OLFML2A: variants seen among roughly 807,000 people sequenced by gnomAD.
OLFML2A encodes the protein olfactomedin like 2A.
In OLFML2A, 47 loss-of-function variants were observed where a neutral mutation model predicts 60.9. The ratio of observed to expected loss-of-function variants is 0.77; its 90% CI spans 0.61 to 0.98. The LOEUF (loss-of-function observed/expected upper bound fraction) is 0.98. OLFML2A is among the 50% of genes least tolerant of loss of function. The pLI is 0.00. For missense variants in OLFML2A, 922 were observed against 879.8 expected (o/e 1.05, Z -0.61); for synonymous variants, 372 against 375.0 (o/e 0.99, Z 0.09).
intron 1 of OLFML2A, chr9:124,778,932 A>G (rs1302266391): frequency 1.0e-6 from 1 of 984,888 alleles, no homozygotes; most frequent in Non-Finnish European, 1.2e-6. Flanking sequence ...TCCTGGTAGA[A>G]TGTGAGTGTC....
At chr9:124,796,435 C>A (rs918356290) in intron 3 of OLFML2A, among the ~76,000 whole-genome samples, 3 of 152,182 alleles carry the variant, frequency 2.0e-5, no homozygotes, top group Non-Finnish European at 4.4e-5. Flanking sequence ...GCCAGATGAT[C>A]CGGAGGGTAT....
chr9:124,784,943 G>GTTGTTGTTTTTTTTTTTTTTTT (rs1841429446), intron 1 of OLFML2A, among the ~76,000 whole-genome samples: 1 of 69,542 alleles, frequency 1.4e-5, no homozygotes, highest in African/African-American at 6.5e-5. Context: ...CCTTTTACTT[G>GTTGTTGTTTTTTTTTTTTTTTT]TTTTTTTTTT....
Position 124,807,222 on chromosome 9 carries a change from C to A in OLFML2A, c.1169-559C>A, listed in dbSNP as rs144648919. ...TACAGGTGTGAGTCACTGTGCCTGGCCGAGTTTGACTATTTTAGATTCCAC... is the reference window on the plus strand; with the variant it reads ...TACAGGTGTGAGTCACTGTGCCTGGACGAGTTTGACTATTTTAGATTCCAC... On this transcript the variant is annotated intron_variant, in intron 6 of 7. Coordinates refer to ENST00000373580, the MANE Select transcript of OLFML2A (RefSeq NM_182487.4). Among the ~76,000 whole-genome samples the A allele has an allele frequency of 1.4e-3, 216 of 151,798 alleles. 6 individuals carry two copies. The East Asian group carries it at 0.036, about 25-fold the overall frequency.
At position 124,787,317 on chromosome 9, in the gene OLFML2A, A is replaced by G. The variant is rs1452920668; in HGVS notation, c.354+79A>G. ...GCTGTCCTGCCAGTGAAAATTCCAC[A>G]CACTCTGTGAGGCGAGTGGTGTTAC... On this transcript the variant is annotated intron_variant, in intron 2 of 7. Coordinates refer to ENST00000373580, the MANE Select transcript of OLFML2A (RefSeq NM_182487.4). 2.1e-6 allele frequency: 3 copies of G among 1,401,358 alleles called. No homozygotes were observed. The African/African-American group carries it at 4.2e-5, about 20-fold the overall frequency. 86.8% of individuals were successfully genotyped at this position (1,401,358 alleles called of 1,614,324 possible).
rs1460073108 is a variant in OLFML2A at position 124,783,821 on chromosome 9, A to T, written c.91-3154A>T. Among the ~76,000 whole-genome samples the T allele has an allele frequency of 3.9e-5, 6 of 152,308 alleles. No individual in the cohort carries two copies. The South Asian group carries it at 1.2e-3, about 32-fold the overall frequency. ...TAATGGTACCTATGGTGTGGGGGAG[A>T]CAGAATATACACAAACTCAGATCTC... On this transcript the variant is annotated intron_variant, in intron 1 of 7. Transcript: ENST00000373580.
At chr9:124,805,938 C>T (rs1468955659) in intron 6 of OLFML2A, among the ~76,000 whole-genome samples, 2 of 150,856 alleles carry the variant, frequency 1.3e-5, no homozygotes, top group African/African-American at 4.9e-5. Context: ...GCCTCAGCCT[C>T]CCAAGCAGAT....
intron 3 of OLFML2A, among the ~76,000 whole-genome samples, chr9:124,797,099 C>T (rs1445447663): frequency 6.6e-6 from 1 of 152,154 alleles, no homozygotes; most frequent in African/African-American, 2.4e-5. Context: ...CCCACCACAG[C>T]CTCCCAAGTA....
intron 1 of OLFML2A, among the ~76,000 whole-genome samples, chr9:124,782,992 G>A (rs1315467438): frequency 6.6e-6 from 1 of 152,064 alleles, no homozygotes; most frequent in Non-Finnish European, 1.5e-5. Flanking sequence ...AGGACAGGCA[G>A]AGTTAGGGCG....
intron 5 of OLFML2A, among the ~76,000 whole-genome samples, chr9:124,803,399 ACTACAGG>A (rs1159396482): frequency 2.0e-5 from 3 of 151,994 alleles, no homozygotes; most frequent in African/African-American, 7.3e-5. Flanking sequence ...AATAGCTGGG[ACTACAGG>A]GGCCCATCAC....
chr9:124,809,754 G>T, intron 7 of OLFML2A, 54 bp from the exon 8 acceptor site: 2 of 1,545,264 alleles, frequency 1.3e-6, no homozygotes, highest in Non-Finnish European at 1.7e-6. Flanking sequence ...CAGGGGATGT[G>T]GGTGGGCTGG....
intron 1 of OLFML2A, among the ~76,000 whole-genome samples, chr9:124,785,582 A>G (rs548162315): frequency 8.0e-5 from 12 of 150,832 alleles, no homozygotes; most frequent in Non-Finnish European, 1.6e-4. Flanking sequence ...TATTTTGTTT[A>G]GTAGAGACGG....
rs556541402 is a variant in OLFML2A, at chr9:124,814,132, G to C, written c.*3720G>C. ...CGGTGGGGTAGAGAATGGAGCTCCC[G>C]CCTTGCGGGCAGTGCTAAAGGTGGA... On this transcript the variant is annotated 3_prime_UTR_variant, in exon 8 of 8. Transcript: ENST00000373580. 1.3e-5 allele frequency: 2 copies of C among 152,358 alleles called. No homozygotes were observed. Among genetic ancestry groups the C allele is most frequent in the East Asian group, 3.9e-4 (2 of 5,190 alleles). The allele number at this position is 152,358 out of a possible 1,614,324, so 9.4% of individuals were successfully genotyped here. A position where few individuals can be genotyped will look rare whatever the true frequency, so the allele number is the denominator to read the frequency against.
At chr9:124,797,879 A>G (rs1457012785) in intron 3 of OLFML2A, among the ~76,000 whole-genome samples, 1 of 152,200 alleles carries the variant, frequency 6.6e-6, no homozygotes, top group Non-Finnish European at 1.5e-5. Flanking sequence ...TGCTCCTGGC[A>G]GGATTCAGAA....
At chr9:124,788,040 C>T (rs190892627) in intron 2 of OLFML2A, among the ~76,000 whole-genome samples, 4 of 151,980 alleles carry the variant, frequency 2.6e-5, no homozygotes, top group Admixed American at 1.3e-4. Context: ...GTGGCTCACG[C>T]GTGTAATCTC....
chr9:124,777,414 G>A lies in OLFML2A; in HGVS notation c.90+54G>A. 1 of 1,223,158 alleles carries A rather than the reference G, an allele frequency of 8.2e-7. No individual in the cohort carries two copies. The allele number at this position is 1,223,158 out of a possible 1,614,324, so 75.8% of individuals were successfully genotyped here. A position where few individuals can be genotyped will look rare whatever the true frequency, so the allele number is the denominator to read the frequency against. On this transcript the variant is annotated intron_variant, in intron 1 of 7. Coordinates refer to ENST00000373580, the MANE Select transcript of OLFML2A (RefSeq NM_182487.4). The surrounding 1 kb of genome is among the most constrained non-coding windows in gnomAD (Gnocchi z 6.2). ...TCGGCGGGTAGCGGGGCGCGAGGGGGCGCTGTGGCTGGGGTGCGGCCCGGG... is the reference window on the plus strand; with the variant it reads ...TCGGCGGGTAGCGGGGCGCGAGGGGACGCTGTGGCTGGGGTGCGGCCCGGG...
Position 124,795,063 on chromosome 9 carries a change from A to G in OLFML2A, c.394A>G (p.Ser132Gly). The change falls in exon 3 of 8, where the codon AGC (serine) becomes GGC (glycine). Residue 132 changes from serine (S) to glycine (G), a missense_variant. Coordinates refer to ENST00000373580, the MANE Select transcript of OLFML2A (RefSeq NM_182487.4). ...GGATCTCCTGGAGGGCACCCTGTAC[A>G]GCATGGACTTGATGAAGGTGCACGC... is the stretch of plus-strand genomic sequence containing the variant. ...MVDLLEGTLY[S>G]MDLMKVHAYV... 1.2e-6 allele frequency: 2 copies of G among 1,609,310 alleles called. No homozygotes were observed. The highest frequency in any genetic ancestry group is 1.7e-6 in the Non-Finnish European group (2 of 1,177,672).
At position 124,790,426 on chromosome 9, in the gene OLFML2A, C is replaced by T. The variant is rs182771151; in HGVS notation, c.354+3188C>T. On this transcript the variant is annotated intron_variant, in intron 2 of 7. Transcript: ENST00000373580. ...CTGACCTCAAGTGATCCACGTCCCT[C>T]GGCCTCCCAATATGCTGGGATTACA... 8.9e-4 allele frequency among the ~76,000 whole-genome samples: 135 copies of T among 152,204 alleles called. 1 individual carries two copies. Among genetic ancestry groups the T allele is most frequent in the African/African-American group, 3.2e-3 (134 of 41,538 alleles).
At chr9:124,792,260 G>T (rs964524419) in intron 2 of OLFML2A, among the ~76,000 whole-genome samples, 2 of 152,140 alleles carry the variant, frequency 1.3e-5, no homozygotes, top group Non-Finnish European at 2.9e-5. Context: ...CCGTGTCCCT[G>T]ATCTAGGCTC....
intron 5 of OLFML2A, among the ~76,000 whole-genome samples, chr9:124,803,645 C>T (rs1329850620): frequency 1.3e-5 from 2 of 152,224 alleles, no homozygotes; most frequent in African/African-American, 2.4e-5. Context: ...AGGAGAAGGC[C>T]TGTAAAACGG....
Sources: allele counts gnomAD v4.1 joint callset (sites outside exome capture counted in the v4.1 genomes callset), GRCh38; gene constraint gnomAD v4.1.1; non-coding constraint Gnocchi (gnomAD v3.1); transcripts MANE v1.5; gene names NCBI Gene and HGNC (gene_info 2026-07-23, HGNC 2026-07-21).